Variants in ALG12 observed in about 807,000 individuals in gnomAD.
The protein encoded by ALG12 is ALG12 alpha-1,6-mannosyltransferase, also known as dol-P-Man:Man(7)GlcNAc(2)-PP-Dol alpha-1,6-mannosyltransferase.
ALG12 carries 36 observed loss-of-function variants against 46.0 expected under a neutral mutation model. The observed-to-expected ratio is 0.78, with a 90% CI of 0.60 to 1.03. ALG12 has a LOEUF of 1.03. Among genes scored for constraint, ALG12 ranks in the 50% least tolerant of loss-of-function variants. ALG12 has a pLI of 0.00. For synonymous variants in ALG12, 326 were observed against 291.6 expected (o/e 1.12, Z -1.20); for missense variants, 599 against 633.5 (o/e 0.95, Z 0.58).
At chr22:49,879,535 ATTAT>A in the ALG12 span, among the ~76,000 whole-genome samples, 3 of 149,008 alleles carry the variant, frequency 2.0e-5, no homozygotes, top group African/African-American at 7.3e-5. Context: ...CACTAATTTT[ATTAT>A]TTGTCTTATG....
chr22:49,903,903 G>A lies in ALG12; in HGVS notation c.1402C>T (p.Pro468Ser), dbSNP rs753449100. ...TGVSLNLTQL[P>S]PFNVHLQTKL... ...GTCTGCAGGTGGACGTTGAAGGGGG[G>A]CAGTTGGGTCAGGTTCAGACTCACA... The change falls in exon 10 of 10, where the codon CCC (proline) becomes TCC (serine). Residue 468 changes from proline to serine, a missense_variant. Pro to Ser is a moderately conservative substitution (Grantham distance 74, BLOSUM62 -1). Transcript: ENST00000330817. 1 of 1,614,228 alleles carries A rather than the reference G, an allele frequency of 6.2e-7. No individual in the cohort carries two copies. Among genetic ancestry groups the A allele is most frequent in the South Asian group, 1.1e-5 (1 of 91,090 alleles).
At chr22:49,878,775 A>C in the ALG12 span, among the ~76,000 whole-genome samples, 1 of 152,232 alleles carries the variant, frequency 6.6e-6, no homozygotes, top group African/African-American at 2.4e-5. Context: ...AGGTGGGTGG[A>C]TCACCTGAGG....
At chr22:49,885,670 C>T in the ALG12 span, 3 of 1,612,840 alleles carry the variant, frequency 1.9e-6, no homozygotes, top group Non-Finnish European at 2.5e-6. Flanking sequence ...TGCACTTGAC[C>T]TCCAGCCATA....
At chr22:49,871,926 A>G in the ALG12 span, among the ~76,000 whole-genome samples, 1 of 151,748 alleles carries the variant, frequency 6.6e-6, no homozygotes, top group South Asian at 2.1e-4. Context: ...TTGTATTTTT[A>G]GTAGAGACGA....
the ALG12 span, among the ~76,000 whole-genome samples, chr22:49,881,409 A>G: frequency 0.1 from 15,353 of 152,194 alleles, 2,230 homozygotes; most frequent in African/African-American, 0.32. Context: ...TTTTTTTGAG[A>G]TAGGATCTCA....
chr22:49,904,481 G>A lies in ALG12; in HGVS notation c.1018C>T (p.Leu340=). ...ACAAGCAGAGACCCCGCTTTGTACA[G>A]CCAAGACTTTTTATAGTTATTCAGC... The part of the protein sequence containing the change: ...YLLNNYKKSW[L]YKAGSLLVIG... Residue 340 remains leucine, a synonymous_variant, in exon 8 of 10, where the codon CTG becomes TTG. Transcript: ENST00000330817. 1.2e-6 allele frequency: 2 copies of A among 1,614,146 alleles called. No homozygotes were observed. Among genetic ancestry groups the A allele is most frequent in the Non-Finnish European group, 1.7e-6 (2 of 1,180,024 alleles).
At chr22:49,886,143 C>T in the ALG12 span, 6 of 689,232 alleles carry the variant, frequency 8.7e-6, no homozygotes, top group Admixed American at 6.9e-5. This position sits in a 1 kb window ranked among gnomAD's most constrained non-coding sequence, Gnocchi z 7.7. Context: ...GCGTGCAGTG[C>T]TTCAGCCATA....
chr22:49,866,901 A>G, the ALG12 span, among the ~76,000 whole-genome samples: 1 of 152,152 alleles, frequency 6.6e-6, no homozygotes, highest in Non-Finnish European at 1.5e-5. Context: ...CGGCAAATGC[A>G]CGTTCTTACC....
chr22:49,867,453 G>A, the ALG12 span, among the ~76,000 whole-genome samples: 3 of 152,186 alleles, frequency 2.0e-5, no homozygotes, highest in East Asian at 3.8e-4. Flanking sequence ...CTCTGTTCTC[G>A]CTGACTTTCT....
the ALG12 span, among the ~76,000 whole-genome samples, chr22:49,879,049 G>A: frequency 6.6e-6 from 1 of 151,126 alleles, no homozygotes; most frequent in Non-Finnish European, 1.5e-5. Flanking sequence ...GGAGGCTGAG[G>A]CAGGAGAATC....
At chr22:49,889,618 G>A in the ALG12 span, 1 of 167,296 alleles carries the variant, frequency 6.0e-6, no homozygotes, top group South Asian at 2.1e-4. Context: ...AATGACACTA[G>A]GAGAGTCATT....
At chr22:49,864,840 G>A in the ALG12 span, among the ~76,000 whole-genome samples, 86 of 35,116 alleles carry the variant, frequency 2.4e-3, no homozygotes, top group African/African-American at 7.1e-3. Flanking sequence ...AAAAAAAAAA[G>A]CCCTGATTAA....
At chr22:49,900,200 A>G (rs550882407), downstream of ALG12, 1 of 152,384 alleles carries the variant, frequency 6.6e-6, no homozygotes, top group East Asian at 1.9e-4. Context: ...AGAGCCTACA[A>G]AGAATGCTCC....
In ALG12 at chr22:49,906,578, C is replaced by T. The variant is rs2060543106; in HGVS notation, c.992+1143G>A. On this transcript the variant is annotated intron_variant, in intron 7 of 9. Transcript: ENST00000330817. The surrounding 1 kb of genome is among the most constrained non-coding windows in gnomAD (Gnocchi z 4.4). ...CCATCCCCTCCCCTGTAACAAGTGG[C>T]ACCGGAAAGCACCTGACCGCTGCCT... Among the ~76,000 whole-genome samples the T allele has an allele frequency of 6.6e-6, 1 of 152,202 alleles. No homozygotes were observed.
the ALG12 span, among the ~76,000 whole-genome samples, chr22:49,873,179 A>G: frequency 2.0e-5 from 3 of 152,164 alleles, no homozygotes; most frequent in Admixed American, 1.3e-4. Context: ...CTGTTGGTAC[A>G]AGAGTCCTAG....
chr22:49,874,894 G>A, the ALG12 span, among the ~76,000 whole-genome samples: 4 of 151,882 alleles, frequency 2.6e-5, no homozygotes, highest in Middle Eastern at 3.4e-3. Flanking sequence ...TGTTGGCCAG[G>A]CTGGTCTTGA....
the ALG12 span, among the ~76,000 whole-genome samples, chr22:49,882,184 C>T: frequency 6.6e-6 from 1 of 152,248 alleles, no homozygotes; most frequent in African/African-American, 2.4e-5. Flanking sequence ...TGGCGCACCT[C>T]TCCTGCCCAT....
At chr22:49,904,538 G>A in intron 7 of ALG12, 32 bp from the exon 8 acceptor site, 1 of 1,612,354 alleles carries the variant, frequency 6.2e-7, no homozygotes, top group Non-Finnish European at 8.5e-7. Flanking sequence ...ATCATAGGCA[G>A]AACGTAATGA....
At chr22:49,910,724 G>T in intron 3 of ALG12, 117 bp from the exon 4 acceptor site, 1 of 1,229,806 alleles carries the variant, frequency 8.1e-7, no homozygotes, top group Non-Finnish European at 1.2e-6. Flanking sequence ...CTGCTGCAAT[G>T]CCAGCTGACG....
Sources: gnomAD v4.1 joint callset for allele counts (sites outside exome capture counted in the v4.1 genomes callset) on GRCh38, gnomAD v4.1.1 for gene constraint, Gnocchi (gnomAD v3.1) non-coding constraint, MANE v1.5 for transcripts, NCBI Gene and HGNC (gene_info 2026-07-23, HGNC 2026-07-21) for gene names.